The following BARD1 variants were observed in gnomAD, a reference collection of about 807,000 sequenced individuals.
The protein encoded by BARD1 is BRCA1 associated RING domain 1, also known as BRCA1-associated RING domain protein 1.
In BARD1, 73 loss-of-function variants were observed where a neutral mutation model predicts 77.0. The observed-to-expected ratio is 0.95, with a 90% CI of 0.79 to 1.15. BARD1 has a LOEUF of 1.15. Among genes scored for constraint, BARD1 ranks in the 50% most tolerant of loss-of-function variants. The pLI, the probability that BARD1 is intolerant of heterozygous loss-of-function variation, is 0.00. For synonymous variants in BARD1, 384 were observed against 338.0 expected, an observed-to-expected ratio of 1.14 and a Z score of -1.49; for missense variants, 993 against 938.8, an observed-to-expected ratio of 1.06 and a Z score of -0.75.
intron 9 of BARD1, among the ~76,000 whole-genome samples, chr2:214,741,705 T>C (rs1276062741): frequency 6.6e-6 from 1 of 152,150 alleles, no homozygotes; most frequent in Non-Finnish European, 1.5e-5. Flanking sequence ...ATAAGTATCA[T>C]TCTGTAAAAT....
At position 214,769,417 on chromosome 2, in the gene BARD1, C is replaced by T. The variant is rs553163341; in HGVS notation, c.1315-105G>A. On this transcript the variant is annotated intron_variant, in intron 4 of 10. Coordinates refer to ENST00000260947, the MANE Select transcript of BARD1 (RefSeq NM_000465.4). ...CTTCAATATAAAGTAAAACTTAAATCGTTTTCTCTTAAGGCTACTGTTCAT... is the reference window on the plus strand; with the variant it reads ...CTTCAATATAAAGTAAAACTTAAATTGTTTTCTCTTAAGGCTACTGTTCAT... 112 of 918,718 alleles carry T rather than the reference C, an allele frequency of 1.2e-4. 1 individual carries two copies. The African/African-American group carries it at 1.5e-3, about 12-fold the overall frequency. The allele number at this position is 918,718 out of a possible 1,614,324, so 56.9% of individuals were successfully genotyped here.
At position 214,780,658 on chromosome 2, in the gene BARD1, G is replaced by A. The variant is rs377153250; in HGVS notation, c.1216C>T (p.Arg406Ter). 20 of 1,613,904 alleles carry A rather than the reference G, an allele frequency of 1.2e-5. No homozygotes were observed. The highest frequency in any genetic ancestry group is 2.7e-5 in the African/African-American group (2 of 74,902). ...PSTLSSSSYR[R>*]VMSSPSAMKL... ...ATTGCTGAGGGACTAGACATCACTC[G>A]CCTGTAACTTGAACTACTTAATGTA... The change falls in exon 4 of 11, where the codon CGA becomes TGA. Residue 406 changes from arginine (R) to a stop codon, truncating the protein, a stop_gained. Coordinates refer to ENST00000260947, the MANE Select transcript of BARD1 (RefSeq NM_000465.4). LOFTEE classifies it high-confidence loss of function.
chr2:214,758,080 AG>A (rs577631377), intron 6 of BARD1, among the ~76,000 whole-genome samples: 76 of 152,250 alleles, frequency 5.0e-4, no homozygotes, highest in African/African-American at 1.8e-3. Flanking sequence ...TTCCTCCCAA[AG>A]GCAATAAGAA....
intron 4 of BARD1, among the ~76,000 whole-genome samples, chr2:214,772,465 A>G (rs1042779468): frequency 1.3e-5 from 2 of 152,204 alleles, no homozygotes; most frequent in Non-Finnish European, 1.5e-5. Flanking sequence ...AAAAAATATT[A>G]AAGAAGCTTA....
rs372186770 is a variant in BARD1 at position 214,730,366 on chromosome 2, T to C, written c.2001+45A>G. 61 of 1,502,620 alleles carry C rather than the reference T, an allele frequency of 4.1e-5. No homozygotes were observed. Among genetic ancestry groups the C allele is most frequent in the Non-Finnish European group, 5.2e-5 (56 of 1,078,732 alleles). The allele number at this position is 1,502,620 out of a possible 1,614,324, so 93.1% of individuals were successfully genotyped here. On this transcript the variant is annotated intron_variant, in intron 10 of 10. Transcript: ENST00000260947. ...TTCTTCCTGATGGTGATAATAATAG[T>C]ATGTCATAATAAGAACAATGAAAGT...
At chr2:214,761,557 T>G (rs1050978619) in intron 6 of BARD1, among the ~76,000 whole-genome samples, 1 of 152,066 alleles carries the variant, frequency 6.6e-6, no homozygotes, top group Non-Finnish European at 1.5e-5. Flanking sequence ...AGCATAAGCT[T>G]TGGGAGGCTG....
intron 3 of BARD1, among the ~76,000 whole-genome samples, chr2:214,789,511 C>T (rs1413237910): frequency 6.6e-6 from 1 of 151,994 alleles, no homozygotes; most frequent in East Asian, 1.9e-4. Context: ...CCCCAATGCA[C>T]TCCATCCTGG....
intron 1 of BARD1, among the ~76,000 whole-genome samples, chr2:214,803,032 G>T (rs4016112): frequency 1.3e-5 from 2 of 151,250 alleles, no homozygotes; most frequent in African/African-American, 4.9e-5. Flanking sequence ...CCCCCAACCC[G>T]GTGCTCTCTG....
rs1574737448 is a variant in BARD1, at chr2:214,745,138, C to T, written c.1832G>A (p.Gly611Asp). Residue 611 changes from glycine to aspartate, a missense_variant, in exon 9 of 11, where the codon GGT becomes GAT. Gly to Asp is a moderately conservative substitution (Grantham distance 94). Transcript: ENST00000260947. ...DSTVTHVVVP[G>D]DAVQSTLKCM... is the part of the protein sequence containing the mutation. ...CTTCAAGGTACTTTGAACTGCATCA[C>T]CAGGAACAACAACATGAGTTACTAA... 1 of 1,613,828 alleles carries T rather than the reference C, an allele frequency of 6.2e-7. No homozygotes were observed. Among genetic ancestry groups the T allele is most frequent in the Non-Finnish European group, 8.5e-7 (1 of 1,179,822 alleles).
chr2:214,762,821 T>C (rs543020465), intron 6 of BARD1, among the ~76,000 whole-genome samples: 40 of 152,280 alleles, frequency 2.6e-4, no homozygotes, highest in African/African-American at 9.6e-4. Flanking sequence ...TTTGAAACAG[T>C]ACAAAGTAAA....
chr2:214,734,289 CTT>C (rs917279363), intron 9 of BARD1, among the ~76,000 whole-genome samples: 3 of 151,946 alleles, frequency 2.0e-5, no homozygotes, highest in African/African-American at 7.3e-5. Flanking sequence ...ATTTATAGCT[CTT>C]GTTAAACAAA....
intron 3 of BARD1, among the ~76,000 whole-genome samples, chr2:214,788,053 T>C (rs1170706899): frequency 2.0e-5 from 3 of 152,040 alleles, no homozygotes; most frequent in Non-Finnish European, 4.4e-5. Context: ...TATTCAAACA[T>C]TCATCTTCCT....
intron 2 of BARD1, among the ~76,000 whole-genome samples, chr2:214,793,158 TG>T (rs1261217989): frequency 6.6e-6 from 1 of 152,140 alleles, no homozygotes; most frequent in African/African-American, 2.4e-5. Flanking sequence ...GAGTAAGTAA[TG>T]TAACAGTTGA....
intron 10 of BARD1, among the ~76,000 whole-genome samples, chr2:214,729,224 C>T (rs568849245): frequency 4.6e-4 from 70 of 152,288 alleles, no homozygotes; most frequent in African/African-American, 1.6e-3. Flanking sequence ...ACACAAAATT[C>T]GTTTGTTTCT....
At chr2:214,787,594 C>T (rs1417082367) in intron 3 of BARD1, among the ~76,000 whole-genome samples, 2 of 151,934 alleles carry the variant, frequency 1.3e-5, no homozygotes, top group African/African-American at 4.8e-5. Context: ...ATATTCATTT[C>T]ATGAAGAAAA....
In BARD1 at chr2:214,809,466, G is replaced by A. The variant is rs786203646; in HGVS notation, c.104C>T (p.Ala35Val). 6.2e-7 allele frequency: 1 copy of A among 1,610,824 alleles called. No individual in the cohort carries two copies. Among genetic ancestry groups the A allele is most frequent in the Non-Finnish European group, 8.5e-7 (1 of 1,179,436 alleles). Residue 35 changes from alanine (A) to valine (V), a missense_variant, in exon 1 of 11, where the codon GCC becomes GTC. Ala to Val is a moderately conservative substitution (Grantham distance 64). Coordinates refer to ENST00000260947, the MANE Select transcript of BARD1 (RefSeq NM_000465.4). ...AMEPDGRGAW[A>V]HSRAALDRLE... is the part of the protein sequence containing the mutation. ...GCGGTCGAGCGCGGCGCGACTGTGGGCCCAGGCACCGCGACCATCCGGTTC... is the reference window on the plus strand; with the variant it reads ...GCGGTCGAGCGCGGCGCGACTGTGGACCCAGGCACCGCGACCATCCGGTTC...
chr2:214,745,780 C>G lies in BARD1; in HGVS notation c.1752G>C (p.Met584Ile). 6.2e-7 allele frequency: 1 copy of G among 1,614,040 alleles called. No homozygotes were observed. The highest frequency in any genetic ancestry group is 8.5e-7 in the Non-Finnish European group (1 of 1,179,960). The change falls in exon 8 of 11, where the codon ATG (methionine) becomes ATC (isoleucine). Residue 584 changes from methionine to isoleucine, a missense_variant. Met to Ile is a conservative substitution (Grantham distance 10). Coordinates refer to ENST00000260947, the MANE Select transcript of BARD1 (RefSeq NM_000465.4). ...GSGLSSEQQK[M>I]LSELAVILKA... Reference sequence around the variant, plus strand: ...TAAGAATTACTGCAAGCTCACTGAGCATTTTCTGTTGTTCTGAAGACAGCC... The same window carrying G: ...TAAGAATTACTGCAAGCTCACTGAGGATTTTCTGTTGTTCTGAAGACAGCC...
intron 3 of BARD1, among the ~76,000 whole-genome samples, chr2:214,790,893 C>T (rs1011888258): frequency 6.6e-6 from 1 of 152,122 alleles, no homozygotes; most frequent in Non-Finnish European, 1.5e-5. Flanking sequence ...TGCATGGGCC[C>T]TTGATTAAGA....
At chr2:214,780,006 T>C (rs1008186544) in intron 4 of BARD1, among the ~76,000 whole-genome samples, 1 of 152,122 alleles carries the variant, frequency 6.6e-6, no homozygotes, top group Non-Finnish European at 1.5e-5. Flanking sequence ...TTAAAGAGAA[T>C]GAACGTCAAT....
Sources: gnomAD v4.1 joint callset for allele counts (sites outside exome capture counted in the v4.1 genomes callset) on GRCh38, gnomAD v4.1.1 for gene constraint, MANE v1.5 for transcripts, NCBI Gene and HGNC (gene_info 2026-07-23, HGNC 2026-07-21) for gene names.